The following KLF9 variants were observed in gnomAD, a reference collection of about 807,000 sequenced individuals.
KLF9 encodes Krueppel-like factor 9.
In KLF9, 2 loss-of-function variants were observed where a neutral mutation model predicts 17.3. The observed-to-expected ratio is 0.12, with a 90% CI of 0.05 to 0.36. The LOEUF is 0.36. Among genes scored for constraint, KLF9 ranks in the 10% least tolerant of loss-of-function variants. The pLI is 1.00. For synonymous variants in KLF9, 138 were observed against 139.2 expected, an observed-to-expected ratio of 0.99 and a Z score of 0.06; for missense variants, 226 against 333.2, an observed-to-expected ratio of 0.68 and a Z score of 2.51.
chr9:70,400,943 CCT>C (rs1248243191), intron 1 of KLF9, among the ~76,000 whole-genome samples: 8 of 152,220 alleles, frequency 5.3e-5, no homozygotes, highest in East Asian at 3.9e-4. Flanking sequence ...CAACCCTCCC[CCT>C]GAGATCTCAG....
In KLF9 at chr9:70,385,122, A is replaced by G. The variant is rs1389848211; in HGVS notation, c.*2654T>C. On this transcript the variant is annotated 3_prime_UTR_variant, in exon 2 of 2. Coordinates refer to ENST00000377126, the MANE Select transcript of KLF9 (RefSeq NM_001206.4). Reference sequence around the variant, plus strand: ...GTCTTTCAAAAATTCAGTTTGGTTAAAAAAGTAAACAAAAATTACTATCCT... The same window carrying G: ...GTCTTTCAAAAATTCAGTTTGGTTAGAAAAGTAAACAAAAATTACTATCCT... The G allele has an allele frequency of 6.6e-6, 1 of 152,656 alleles. No homozygotes were observed. Among genetic ancestry groups the G allele is most frequent in the Non-Finnish European group, 1.5e-5 (1 of 68,038 alleles). The allele number at this position is 152,656 out of a possible 1,614,324, so 9.5% of individuals were successfully genotyped here.
chr9:70,412,113 G>C lies in KLF9; in HGVS notation c.505+746C>G, dbSNP rs542299269. On this transcript the variant is annotated intron_variant, in intron 1 of 1. Transcript: ENST00000377126. ...CGCCCAACATTCATTACCAAGCCTT[G>C]ACCTCCGGCAAGGACCACACCTCCC... 3.7e-5 allele frequency among the ~76,000 whole-genome samples: 5 copies of C among 134,246 alleles called. No homozygotes were observed. The East Asian group carries it at 1.2e-3, about 31-fold the overall frequency. 88.1% of individuals were successfully genotyped at this position (134,246 alleles called of 152,430 possible).
rs2037335340 is a variant in KLF9 at position 70,412,843 on chromosome 9, G to A, written c.505+16C>T. The A allele has an allele frequency of 6.5e-7, 1 of 1,538,608 alleles. No individual in the cohort carries two copies. ...ACTAACCCCAGAGCTCCGGGGGAGA[G>A]GGCGACGCCGCTAACCTGTATGCAC... On this transcript the variant is annotated intron_variant, in intron 1 of 1. Transcript: ENST00000377126.
intron 1 of KLF9, among the ~76,000 whole-genome samples, chr9:70,397,748 C>T (rs927737085): frequency 2.6e-5 from 4 of 152,082 alleles, no homozygotes; most frequent in South Asian, 4.1e-4. Context: ...ATTCATGGAC[C>T]AGACTGGTGG....
chr9:70,401,364 C>G (rs1755323854), intron 1 of KLF9, among the ~76,000 whole-genome samples: 1 of 151,218 alleles, frequency 6.6e-6, no homozygotes, highest in African/African-American at 2.4e-5. Context: ...CCAGCCTGGC[C>G]AACATAGTGA....
Position 70,413,416 on chromosome 9 carries a change from G to T in KLF9, c.-53C>A, listed in dbSNP as rs964302193. Reference sequence around the variant, plus strand: ...GCGGACAAACTTGGCGGTGGCTGCGGAGGTTCGGCTCGCCCTGCCCTGGCC... The same window carrying T: ...GCGGACAAACTTGGCGGTGGCTGCGTAGGTTCGGCTCGCCCTGCCCTGGCC... On this transcript the variant is annotated 5_prime_UTR_variant, in exon 1 of 2. Transcript: ENST00000377126. The surrounding 1 kb of genome is among the most constrained non-coding windows in gnomAD (Gnocchi z 5.6). 2 of 1,445,772 alleles carry T rather than the reference G, an allele frequency of 1.4e-6. No individual in the cohort carries two copies. Among genetic ancestry groups the T allele is most frequent in the African/African-American group, 2.8e-5 (2 of 70,212 alleles). The allele number at this position is 1,445,772 out of a possible 1,614,324, so 89.6% of individuals were successfully genotyped here. A position where few individuals can be genotyped will look rare whatever the true frequency, so the allele number is the denominator to read the frequency against.
chr9:70,394,584 A>C (rs73649113), intron 1 of KLF9, among the ~76,000 whole-genome samples: 3,683 of 152,312 alleles, frequency 0.024, 130 homozygotes, highest in African/African-American at 0.084. Context: ...AATGAGTGCA[A>C]TTAGATAAAA....
intron 1 of KLF9, among the ~76,000 whole-genome samples, chr9:70,410,825 C>G (rs1435182743): frequency 6.6e-6 from 1 of 152,318 alleles, no homozygotes; most frequent in East Asian, 1.9e-4. Context: ...TTTAAAGTAA[C>G]CTTAACACAT....
chr9:70,399,638 G>T (rs186009507), intron 1 of KLF9, among the ~76,000 whole-genome samples: 1 of 152,268 alleles, frequency 6.6e-6, no homozygotes, highest in East Asian at 1.9e-4. Flanking sequence ...GCCCAAGGAC[G>T]CCCTGCACAA....
chr9:70,403,752 A>T (rs1047699064), intron 1 of KLF9, among the ~76,000 whole-genome samples: 4 of 152,146 alleles, frequency 2.6e-5, no homozygotes, highest in African/African-American at 4.8e-5. Flanking sequence ...TGGGCCCACA[A>T]CCAGGTTATT....
At chr9:70,400,918 A>T (rs2037216407) in intron 1 of KLF9, among the ~76,000 whole-genome samples, 1 of 152,144 alleles carries the variant, frequency 6.6e-6, no homozygotes, top group South Asian at 2.1e-4. Flanking sequence ...CACCCTTCAC[A>T]AAACAGTCCC....
In KLF9 at chr9:70,409,049, T is replaced by C. The variant is rs10283636; in HGVS notation, c.505+3810A>G. On this transcript the variant is annotated intron_variant, in intron 1 of 1. Coordinates refer to ENST00000377126, the MANE Select transcript of KLF9 (RefSeq NM_001206.4). ...ATATATATATATGTGTATATATATA[T>C]ACATATATGTGTATATATATGTGTA... Among the ~76,000 whole-genome samples, 718 of 119,564 alleles carry C rather than the reference T, an allele frequency of 6.0e-3. 20 individuals are homozygous for C. The highest frequency in any genetic ancestry group is 0.014 in the African/African-American group (456 of 32,114). The allele number at this position is 119,564 out of a possible 152,430, so 78.4% of individuals were successfully genotyped here. A position where few individuals can be genotyped will look rare whatever the true frequency, so the allele number is the denominator to read the frequency against.
intron 1 of KLF9, among the ~76,000 whole-genome samples, chr9:70,392,753 G>A (rs1365328224): frequency 2.6e-5 from 4 of 152,144 alleles, no homozygotes; most frequent in African/African-American, 7.2e-5. Flanking sequence ...CTCTCTTTGA[G>A]GCTCGGTGCT....
chr9:70,401,686 C>CAAAAAAAAAAAAAAAAAAAAAAAAAAAA (rs34988097), intron 1 of KLF9, among the ~76,000 whole-genome samples: 4 of 66,478 alleles, frequency 6.0e-5, no homozygotes, highest in Non-Finnish European at 1.2e-4. Context: ...GACTCCTTCA[C>CAAAAAAAAAAAAAAAAAAAAAAAAAAAA]AAAAAAAAAA....
chr9:70,411,804 CAG>C (rs917471843), intron 1 of KLF9, among the ~76,000 whole-genome samples: 2 of 152,288 alleles, frequency 1.3e-5, no homozygotes, highest in South Asian at 2.1e-4. Context: ...TGTCACAAGA[CAG>C]AGGCAAAAGG....
At chr9:70,411,419 AAC>A (rs1447391289) in intron 1 of KLF9, among the ~76,000 whole-genome samples, 2 of 152,160 alleles carry the variant, frequency 1.3e-5, no homozygotes, top group African/African-American at 4.8e-5. Flanking sequence ...CACATCCCCC[AAC>A]ACAGGCACAT....
At chr9:70,399,265 G>A (rs527448807) in intron 1 of KLF9, among the ~76,000 whole-genome samples, 3 of 152,294 alleles carry the variant, frequency 2.0e-5, no homozygotes, top group African/African-American at 7.2e-5. Context: ...TGTGATAAAA[G>A]ATCATAAAAG....
At chr9:70,406,853 T>C (rs2037258930) in intron 1 of KLF9, among the ~76,000 whole-genome samples, 1 of 151,296 alleles carries the variant, frequency 6.6e-6, no homozygotes, top group Admixed American at 6.6e-5. Context: ...CTACAAGCTT[T>C]TTCTCCAAGC....
intron 1 of KLF9, among the ~76,000 whole-genome samples, chr9:70,394,146 G>A (rs1260484139): frequency 6.6e-6 from 1 of 152,138 alleles, no homozygotes; most frequent in Non-Finnish European, 1.5e-5. Context: ...CACTTTGGGA[G>A]GCTGAGATGG....
Sources: allele counts gnomAD v4.1 joint callset (sites outside exome capture counted in the v4.1 genomes callset), GRCh38; gene constraint gnomAD v4.1.1; non-coding constraint Gnocchi (gnomAD v3.1); transcripts MANE v1.5; gene names NCBI Gene and HGNC (gene_info 2026-07-23, HGNC 2026-07-21).